The following FBN2 variants were observed in gnomAD, a reference collection of about 807,000 sequenced individuals.
The protein encoded by FBN2 is fibrillin-2.
In FBN2, 105 loss-of-function variants were observed where a neutral mutation model predicts 355.6. The observed-to-expected ratio is 0.30, with a 90% confidence interval of 0.25 to 0.35. The LOEUF is 0.35. Ranked by LOEUF, FBN2 falls within the 10% of genes least tolerant of loss-of-function variation. FBN2 has a pLI of 1.00. For synonymous variants in FBN2, 1,350 were observed against 1,301.2 expected, an observed-to-expected ratio of 1.04 and a Z score of -0.81; for missense variants, 3,280 against 3,758.7, an observed-to-expected ratio of 0.87 and a Z score of 3.33.
At chr5:128,471,340 C>G (rs1754855613) in intron 5 of FBN2, among the ~76,000 whole-genome samples, 1 of 151,784 alleles carries the variant, frequency 6.6e-6, no homozygotes, top group South Asian at 2.1e-4. Flanking sequence ...AAGGCAGTAC[C>G]CAAAATTATA....
intron 17 of FBN2, among the ~76,000 whole-genome samples, chr5:128,365,734 CAA>C (rs1008637104): frequency 1.3e-5 from 2 of 150,190 alleles, no homozygotes; most frequent in Non-Finnish European, 3.0e-5. Context: ...TAATAACACC[CAA>C]GTTTTATTTA....
intron 6 of FBN2, among the ~76,000 whole-genome samples, chr5:128,456,640 G>A (rs1009766656): frequency 6.6e-6 from 1 of 151,974 alleles, no homozygotes; most frequent in Non-Finnish European, 1.5e-5. Flanking sequence ...CTAGTCATGG[G>A]GGCGAATCAG....
At chr5:128,500,252 A>ACAATAT (rs1048250573) in intron 5 of FBN2, among the ~76,000 whole-genome samples, 28 of 151,718 alleles carry the variant, frequency 1.8e-4, no homozygotes, top group Non-Finnish European at 3.1e-4. Context: ...AACAACAACA[A>ACAATAT]CAACAACAAA....
rs895424505 is a variant in FBN2 at position 128,420,859 on chromosome 5, C to A, written c.953-12060G>T. On this transcript the variant is annotated intron_variant, in intron 7 of 64. Transcript: ENST00000262464. ...ACATACCAAATACCTAAATGTGAAA[C>A]AAGGCACAATATAATTTATTCCATC... Among the ~76,000 whole-genome samples the A allele has an allele frequency of 9.9e-5, 15 of 152,174 alleles. No homozygotes were observed. The South Asian group carries it at 2.7e-3, about 27-fold the overall frequency.
chr5:128,482,009 A>G (rs560360443), intron 5 of FBN2, among the ~76,000 whole-genome samples: 1 of 152,292 alleles, frequency 6.6e-6, no homozygotes, highest in South Asian at 2.1e-4. Flanking sequence ...CTTACTAGAA[A>G]GGCTCTACTT....
chr5:128,527,788 A>G (rs1056369661), intron 4 of FBN2, 84 bp downstream of exon 4: 2 of 1,003,322 alleles, frequency 2.0e-6, no homozygotes, highest in Non-Finnish European at 3.1e-6. Context: ...TCAAAAGATC[A>G]CAGGATTTAT....
intron 44 of FBN2, 133 bp downstream of exon 44, chr5:128,305,378 G>A: frequency 9.9e-7 from 1 of 1,014,148 alleles, no homozygotes; most frequent in Non-Finnish European, 1.5e-6. Flanking sequence ...AAAAGATATG[G>A]TGAAATAGGT....
At chr5:128,350,726 CATT>C in intron 21 of FBN2, 139 bp downstream of exon 21, 1 of 948,908 alleles carries the variant, frequency 1.1e-6, no homozygotes, top group Non-Finnish European at 1.6e-6. Context: ...AGGTAAAAAA[CATT>C]AGCCAGGAAA....
chr5:128,379,428 T>C (rs545052040), intron 11 of FBN2, among the ~76,000 whole-genome samples: 1 of 152,210 alleles, frequency 6.6e-6, no homozygotes, highest in East Asian at 1.9e-4. Context: ...TTGGATAATA[T>C]TTTGAAGTAA....
At chr5:128,494,460 T>G (rs1378787526) in intron 5 of FBN2, among the ~76,000 whole-genome samples, 1 of 152,146 alleles carries the variant, frequency 6.6e-6, no homozygotes, top group African/African-American at 2.4e-5. Context: ...GCTCAAAGGC[T>G]GGCCCCAAAA....
chr5:128,342,067 A>T (rs1751037541), intron 25 of FBN2, among the ~76,000 whole-genome samples: 1 of 152,112 alleles, frequency 6.6e-6, no homozygotes, highest in Non-Finnish European at 1.5e-5. Context: ...GGAAGTTATA[A>T]ATGTGGGAGT....
At chr5:128,521,931 G>C (rs1452103383) in intron 4 of FBN2, among the ~76,000 whole-genome samples, 1 of 152,090 alleles carries the variant, frequency 6.6e-6, no homozygotes, top group Non-Finnish European at 1.5e-5. Context: ...TCTCACTAAA[G>C]ATTTTTGGAG....
chr5:128,467,347 C>T (rs889712174), intron 5 of FBN2, among the ~76,000 whole-genome samples: 13 of 152,126 alleles, frequency 8.5e-5, no homozygotes, highest in Admixed American at 8.5e-4. Context: ...TATGCTGAAC[C>T]TATGTTTGTA....
chr5:128,402,773 G>T (rs531973536), intron 8 of FBN2, among the ~76,000 whole-genome samples: 1 of 152,328 alleles, frequency 6.6e-6, no homozygotes, highest in African/African-American at 2.4e-5. Context: ...CTGGATGCCT[G>T]CACTCACCTC....
At chr5:128,408,361 C>G (rs567203026) in intron 8 of FBN2, among the ~76,000 whole-genome samples, 1 of 152,268 alleles carries the variant, frequency 6.6e-6, no homozygotes, top group East Asian at 1.9e-4. Context: ...TGATTCATAG[C>G]ACAAAAGAAG....
rs577426329 is a variant in FBN2, at chr5:128,364,152, A to G, written c.2428+448T>C. Among the ~76,000 whole-genome samples, 66 of 152,294 alleles carry G rather than the reference A, an allele frequency of 4.3e-4. No homozygotes were observed. In the South Asian group the frequency reaches 4.6e-3, roughly 11 times the overall value. On this transcript the variant is annotated intron_variant, in intron 18 of 64. Coordinates refer to ENST00000262464, the MANE Select transcript of FBN2 (RefSeq NM_001999.4). ...CAGTTTTTTCAATCATTCTCTTATA[A>G]TTAAAAAAGGAAATACCTTTGTCTT...
intron 5 of FBN2, among the ~76,000 whole-genome samples, chr5:128,481,803 T>C (rs552765907): frequency 3.1e-4 from 47 of 152,332 alleles, no homozygotes; most frequent in Non-Finnish European, 5.4e-4. Flanking sequence ...TGAGTTTCTA[T>C]AAATCTCACA....
chr5:128,503,634 T>C (rs1755874774), intron 5 of FBN2, among the ~76,000 whole-genome samples: 1 of 152,116 alleles, frequency 6.6e-6, no homozygotes, highest in Non-Finnish European at 1.5e-5. Flanking sequence ...AACTTCGAGC[T>C]TGAGAGAGAT....
At chr5:128,348,757 A>G (rs1443087905) in intron 23 of FBN2, among the ~76,000 whole-genome samples, 1 of 152,220 alleles carries the variant, frequency 6.6e-6, no homozygotes, top group African/African-American at 2.4e-5. Context: ...TTTTTCAATC[A>G]TGAAATTCAA....
Sources: gnomAD v4.1 joint callset for allele counts (sites outside exome capture counted in the v4.1 genomes callset) on GRCh38, gnomAD v4.1.1 for gene constraint, MANE v1.5 for transcripts, NCBI Gene and HGNC (gene_info 2026-07-23, HGNC 2026-07-21) for gene names.